Variants in PSD3 observed in about 807,000 individuals in gnomAD.
The protein encoded by PSD3 is pleckstrin and Sec7 domain containing 3.
A neutral mutation model predicts 105.5 loss-of-function variants in PSD3; 49 were observed. The observed-to-expected ratio is 0.46, with a 90% CI of 0.37 to 0.59. The LOEUF is 0.59. Among genes scored for constraint, PSD3 ranks in the 20% least tolerant of loss-of-function variants. PSD3 has a pLI of 0.00. For synonymous variants in PSD3, 557 were observed against 457.8 expected, an observed-to-expected ratio of 1.22 and a Z score of -2.77; for missense variants, 1,561 against 1,263.8, an observed-to-expected ratio of 1.24 and a Z score of -3.57.
intron 9 of PSD3, among the ~76,000 whole-genome samples, chr8:18,698,184 G>A (rs754530380): frequency 5.9e-5 from 9 of 152,074 alleles, no homozygotes; most frequent in African/African-American, 9.7e-5. Flanking sequence ...TTGTAACCTC[G>A]AACTCCTAGG....
At chr8:19,030,009 A>G (rs1204977583) in intron 1 of PSD3, among the ~76,000 whole-genome samples, 1 of 152,182 alleles carries the variant, frequency 6.6e-6, no homozygotes, top group African/African-American at 2.4e-5. Context: ...ATTTTAATGC[A>G]ATATGGAATA....
rs116023054 is a variant in PSD3 at position 18,644,845 on chromosome 8, A to G, written c.2216+10797T>C. Among the ~76,000 whole-genome samples the G allele has an allele frequency of 4.1e-3, 625 of 152,362 alleles. 3 individuals carry two copies. The highest frequency in any genetic ancestry group is 0.015 in the African/African-American group (609 of 41,586). ...GCTGTGAAAGAATTCCACAAACTGC[A>G]TAATTTAAAATGAACAGAGATTTAT... On this transcript the variant is annotated intron_variant, in intron 10 of 15. Coordinates refer to ENST00000327040, the MANE Select transcript of PSD3 (RefSeq NM_015310.4).
chr8:18,593,778 G>C (rs895556659), intron 12 of PSD3, among the ~76,000 whole-genome samples: 1 of 151,830 alleles, frequency 6.6e-6, no homozygotes, highest in African/African-American at 2.4e-5. Flanking sequence ...TATACACCAT[G>C]GAACACTATG....
intron 9 of PSD3, among the ~76,000 whole-genome samples, chr8:18,762,596 A>G (rs1027367434): frequency 2.0e-5 from 3 of 152,188 alleles, no homozygotes; most frequent in Admixed American, 2.0e-4. Flanking sequence ...ACACATATCC[A>G]TATCTTACAC....
chr8:18,605,965 G>C (rs1174835303), intron 11 of PSD3, among the ~76,000 whole-genome samples: 1 of 152,146 alleles, frequency 6.6e-6, no homozygotes, highest in Non-Finnish European at 1.5e-5. Flanking sequence ...CTGTGGATCT[G>C]TGAGCCAATT....
intron 9 of PSD3, among the ~76,000 whole-genome samples, chr8:18,686,647 C>T (rs1800676728): frequency 6.6e-6 from 1 of 152,184 alleles, no homozygotes; most frequent in African/African-American, 2.4e-5. Flanking sequence ...GCCCTTGATG[C>T]TCAGGCCTCA....
chr8:18,583,048 G>T (rs1296934412), intron 12 of PSD3, among the ~76,000 whole-genome samples: 1 of 151,976 alleles, frequency 6.6e-6, no homozygotes, highest in African/African-American at 2.4e-5. Context: ...GGCTGGTCTT[G>T]AACTCCTGAC....
chr8:18,964,257 G>A (rs1455149491), intron 1 of PSD3, among the ~76,000 whole-genome samples: 8 of 152,096 alleles, frequency 5.3e-5, no homozygotes, highest in Non-Finnish European at 1.0e-4. Context: ...CCCAGTAGCT[G>A]GGACTACATG....
chr8:18,895,567 T>G (rs766256472), intron 2 of PSD3, among the ~76,000 whole-genome samples: 1 of 152,248 alleles, frequency 6.6e-6, no homozygotes, highest in Non-Finnish European at 1.5e-5. Context: ...CAATCCACTC[T>G]AAGCAAGTTT....
At chr8:18,675,849 C>G (rs1033391639) in intron 9 of PSD3, among the ~76,000 whole-genome samples, 1 of 152,164 alleles carries the variant, frequency 6.6e-6, no homozygotes, top group African/African-American at 2.4e-5. Context: ...TACTCTTGGT[C>G]TCTGCTTCAC....
rs551795594 is a variant in PSD3, at chr8:18,792,957, A to C, written c.2082+6338T>G. On this transcript the variant is annotated intron_variant, in intron 8 of 15. Coordinates refer to ENST00000327040, the MANE Select transcript of PSD3 (RefSeq NM_015310.4). ...TCCATCAATGATAGACTGGATTAAG[A>C]AAATGTGGCACATATACACCATGGA... Among the ~76,000 whole-genome samples the C allele has an allele frequency of 2.6e-5, 4 of 152,348 alleles. No homozygotes were observed. The South Asian group carries it at 8.3e-4, about 32-fold the overall frequency.
At chr8:19,015,504 T>C (rs1827152223), upstream of PSD3, among the ~76,000 whole-genome samples, 1 of 152,218 alleles carries the variant, frequency 6.6e-6, no homozygotes, top group South Asian at 2.1e-4. Flanking sequence ...ACGGTTTTGT[T>C]GGCAAAGCAT....
chr8:18,594,464 T>G (rs1389865909), intron 12 of PSD3, among the ~76,000 whole-genome samples: 1 of 130,080 alleles, frequency 7.7e-6, no homozygotes, highest in African/African-American at 3.0e-5. Flanking sequence ...TTATATTATA[T>G]ATATACAAAA....
chr8:18,804,550 T>TA lies in PSD3; in HGVS notation c.1881dup (p.Thr628TyrfsTer14), dbSNP rs1389072168. ...AGTGACTGATCCAGCGTCATTCCTG[T>TA]AAAATCAAAAAACTTCAGATATTCT... is the stretch of plus-strand genomic sequence containing the variant. On this transcript the variant is annotated frameshift_variant, in exon 6 of 16. Coordinates refer to ENST00000327040, the MANE Select transcript of PSD3 (RefSeq NM_015310.4). LOFTEE classifies it high-confidence loss of function. 1 of 1,613,310 alleles carries TA rather than the reference T, an allele frequency of 6.2e-7. No individual in the cohort carries two copies. The highest frequency in any genetic ancestry group is 8.5e-7 in the Non-Finnish European group (1 of 1,179,394).
chr8:18,527,635 G>T lies in PSD3; in HGVS notation c.*8108C>A, dbSNP rs751244180. 6.6e-6 allele frequency: 1 copy of T among 152,538 alleles called. No homozygotes were observed. The highest frequency in any genetic ancestry group is 1.5e-5 in the Non-Finnish European group (1 of 68,022). 9.4% of individuals were successfully genotyped at this position (152,538 alleles called of 1,614,324 possible). On this transcript the variant is annotated 3_prime_UTR_variant, in exon 16 of 16. Coordinates refer to ENST00000327040, the MANE Select transcript of PSD3 (RefSeq NM_015310.4). ...TACAACTATTTTAATAAAAAATAAAGCAATTGTAAAATGTAAACTTAATTG... is the reference window on the plus strand; with the variant it reads ...TACAACTATTTTAATAAAAAATAAATCAATTGTAAAATGTAAACTTAATTG...
intron 9 of PSD3, among the ~76,000 whole-genome samples, chr8:18,712,393 G>C (rs1401003565): frequency 6.6e-6 from 1 of 150,506 alleles, no homozygotes; most frequent in African/African-American, 2.4e-5. Flanking sequence ...GAACAATAAA[G>C]AAGAAAAAAT....
chr8:18,940,355 C>T (rs949880974), intron 1 of PSD3: 3 of 152,244 alleles, frequency 2.0e-5, no homozygotes, highest in Admixed American at 6.5e-5. Context: ...TAAAAGTTCC[C>T]TGGTGACCAT....
chr8:18,924,921 T>G (rs188030340), intron 2 of PSD3: 12 of 152,208 alleles, frequency 7.9e-5, no homozygotes, highest in African/African-American at 2.2e-4. Context: ...TAGGCAATGG[T>G]TTCTAAGACA....
At chr8:18,909,582 C>T (rs1014315635) in intron 2 of PSD3, among the ~76,000 whole-genome samples, 1 of 152,136 alleles carries the variant, frequency 6.6e-6, no homozygotes, top group Non-Finnish European at 1.5e-5. Context: ...TGGGCTCAAG[C>T]AATTCTCCTG....
Sources: gnomAD v4.1 joint callset for allele counts (sites outside exome capture counted in the v4.1 genomes callset) on GRCh38, gnomAD v4.1.1 for gene constraint, MANE v1.5 for transcripts, NCBI Gene and HGNC (gene_info 2026-07-23, HGNC 2026-07-21) for gene names.